The following PTPRD variants were observed in gnomAD, a reference collection of about 807,000 sequenced individuals.
PTPRD encodes the protein protein tyrosine phosphatase receptor type D.
Under a neutral mutation model 214.5 loss-of-function variants are expected in PTPRD, and 34 were observed. The ratio of observed to expected loss-of-function variants is 0.16; its 90% confidence interval spans 0.12 to 0.21. PTPRD has a LOEUF of 0.21. Among genes scored for constraint, PTPRD ranks in the 10% least tolerant of loss-of-function variants. The pLI is 1.00. For missense variants in PTPRD, 2,545 were observed against 2,398.7 expected, an observed-to-expected ratio of 1.06 and a Z score of -1.27; for synonymous variants, 1,128 against 845.7, an observed-to-expected ratio of 1.33 and a Z score of -5.79.
intron 9 of PTPRD, among the ~76,000 whole-genome samples, chr9:9,202,646 T>A (rs918371505): frequency 6.6e-6 from 1 of 152,188 alleles, no homozygotes; most frequent in African/African-American, 2.4e-5. Flanking sequence ...AACTTCTGTC[T>A]TGCAGTTGTG....
chr9:10,308,501 C>G (rs887156325), intron 3 of PTPRD, among the ~76,000 whole-genome samples: 1 of 151,878 alleles, frequency 6.6e-6, no homozygotes, highest in Non-Finnish European at 1.5e-5. Flanking sequence ...AGTGTGATGT[C>G]GCCAGCTTTG....
At chr9:9,963,007 A>T (rs564636687) in intron 4 of PTPRD, among the ~76,000 whole-genome samples, 214 of 152,094 alleles carry the variant, frequency 1.4e-3, no homozygotes, top group African/African-American at 4.7e-3. Flanking sequence ...ATATAGTTAC[A>T]CTATATAAAG....
At chr9:9,004,950 T>C (rs1193755928) in intron 11 of PTPRD, among the ~76,000 whole-genome samples, 1 of 152,098 alleles carries the variant, frequency 6.6e-6, no homozygotes, top group Non-Finnish European at 1.5e-5. Context: ...TGAGCTAATT[T>C]TCAGTGTCAT....
intron 4 of PTPRD, among the ~76,000 whole-genome samples, chr9:9,945,219 A>G (rs2092380204): frequency 6.6e-6 from 1 of 152,106 alleles, no homozygotes; most frequent in Non-Finnish European, 1.5e-5. Context: ...GATGCCCGTT[A>G]GGCATTTGAA....
intron 9 of PTPRD, among the ~76,000 whole-genome samples, chr9:9,361,835 T>A (rs1256761754): frequency 2.6e-5 from 4 of 151,064 alleles, no homozygotes; most frequent in Non-Finnish European, 4.5e-5. Context: ...TTAAATATTA[T>A]ACAACTATTT....
At position 8,630,882 on chromosome 9, in the gene PTPRD, T is replaced by A. The variant is rs72698252; in HGVS notation, c.352+2435A>T. 2.7e-3 allele frequency among the ~76,000 whole-genome samples: 416 copies of A among 151,890 alleles called. 1 individual carries two copies. Among genetic ancestry groups the A allele is most frequent in the Admixed American group, 4.0e-3 (61 of 15,210 alleles). On this transcript the variant is annotated intron_variant, in intron 14 of 45. Transcript: ENST00000381196. The stretch of plus-strand genomic sequence containing the variant: ...TCTTCATTGGATGCATAAAGATAAG[T>A]CAAGCACATGACTGCCATTAATTCC...
At chr9:9,835,034 A>G (rs963986565) in intron 5 of PTPRD, among the ~76,000 whole-genome samples, 2 of 151,984 alleles carry the variant, frequency 1.3e-5, no homozygotes, top group Non-Finnish European at 2.9e-5. Context: ...TATATAGTAG[A>G]TAGGGTACTT....
At chr9:9,794,057 C>T (rs765548078) in intron 5 of PTPRD, among the ~76,000 whole-genome samples, 7 of 151,816 alleles carry the variant, frequency 4.6e-5, no homozygotes, top group African/African-American at 1.2e-4. Flanking sequence ...TTAAAAAATA[C>T]GTGTTTGGCA....
chr9:8,582,453 T>C (rs2093255202), intron 14 of PTPRD, among the ~76,000 whole-genome samples: 3 of 152,142 alleles, frequency 2.0e-5, no homozygotes, highest in Non-Finnish European at 1.5e-5. Flanking sequence ...ACAAACATCA[T>C]AATGAGGTAG....
intron 12 of PTPRD, among the ~76,000 whole-genome samples, chr9:8,666,781 C>A (rs532543307): frequency 6.6e-6 from 1 of 152,166 alleles, no homozygotes; most frequent in Non-Finnish European, 1.5e-5. Flanking sequence ...TCTAGCAGAA[C>A]ATAACTGCCC....
At chr9:8,500,241 G>A (rs1282422233) in intron 24 of PTPRD, among the ~76,000 whole-genome samples, 2 of 151,738 alleles carry the variant, frequency 1.3e-5, no homozygotes, top group Non-Finnish European at 2.9e-5. Context: ...TTTTTAAACG[G>A]CAGAATAAAA....
In PTPRD at chr9:9,999,994, G is replaced by A. The variant is rs868332914; in HGVS notation, c.-472+33724C>T. Reference sequence around the variant, plus strand: ...GTCTGTTGTAAGAGGGTCTGTGAAAGTCATGAAAAAATTTAATAATTAAAG... The same window carrying A: ...GTCTGTTGTAAGAGGGTCTGTGAAAATCATGAAAAAATTTAATAATTAAAG... On this transcript the variant is annotated intron_variant, in intron 4 of 45. Transcript: ENST00000381196. Among the ~76,000 whole-genome samples the A allele has an allele frequency of 9.9e-5, 15 of 152,258 alleles. No homozygotes were observed. The Middle Eastern group carries it at 0.01, about 104-fold the overall frequency.
chr9:8,548,139 A>G (rs2080818898), intron 14 of PTPRD, among the ~76,000 whole-genome samples: 1 of 152,214 alleles, frequency 6.6e-6, no homozygotes, highest in Non-Finnish European at 1.5e-5. Context: ...AAGGGCCTTC[A>G]AGGCACAGGG....
At chr9:9,033,393 A>G (rs1023991093) in intron 10 of PTPRD, among the ~76,000 whole-genome samples, 2 of 152,034 alleles carry the variant, frequency 1.3e-5, no homozygotes, top group Admixed American at 6.6e-5. Flanking sequence ...TAGAATCCCT[A>G]TTTCCGCTGC....
intron 11 of PTPRD, among the ~76,000 whole-genome samples, chr9:8,967,880 T>A (rs12555534): frequency 0.076 from 11,505 of 152,086 alleles, 751 homozygotes; most frequent in East Asian, 0.26. Flanking sequence ...ATTAGGTATA[T>A]CTCCTAAAGC....
chr9:9,882,019 C>A (rs1160694994), intron 5 of PTPRD, among the ~76,000 whole-genome samples: 1 of 152,050 alleles, frequency 6.6e-6, no homozygotes, highest in African/African-American at 2.4e-5. Context: ...TATAGTGTAA[C>A]ACTTTGCAAG....
chr9:9,944,097 G>A (rs76120877), intron 4 of PTPRD, among the ~76,000 whole-genome samples: 1 of 152,112 alleles, frequency 6.6e-6, no homozygotes, highest in Non-Finnish European at 1.5e-5. Flanking sequence ...GGCTTAGCCT[G>A]TTAGTCACAA....
chr9:8,598,380 A>C, intron 14 of PTPRD, among the ~76,000 whole-genome samples: 1 of 151,988 alleles, frequency 6.6e-6, no homozygotes, highest in Non-Finnish European at 1.5e-5. Context: ...AGAATTGCTT[A>C]AACCCAGGAG....
At chr9:10,086,274 C>G (rs953141259) in intron 3 of PTPRD, among the ~76,000 whole-genome samples, 1 of 151,732 alleles carries the variant, frequency 6.6e-6, no homozygotes, top group Non-Finnish European at 1.5e-5. Context: ...AAATAGTATA[C>G]GACTGATCCC....
Sources: allele counts gnomAD v4.1 joint callset (sites outside exome capture counted in the v4.1 genomes callset), GRCh38; gene constraint gnomAD v4.1.1; transcripts MANE v1.5; gene names NCBI Gene and HGNC (gene_info 2026-07-23, HGNC 2026-07-21).